The following PCDHGB2 variants were observed in gnomAD, a reference collection of about 807,000 sequenced individuals.
PCDHGB2 encodes protocadherin gamma subfamily B, 2, also known as protocadherin gamma-B2.
In PCDHGB2, 55 loss-of-function variants were observed where a neutral mutation model predicts 59.3. That is an observed-to-expected ratio of 0.93 (90% CI 0.75 to 1.16). PCDHGB2 has a LOEUF of 1.16. Among genes scored for constraint, PCDHGB2 ranks in the 50% most tolerant of loss-of-function variants. The probability of loss-of-function intolerance (pLI) is 0.00; values close to 1 mark genes in which losing one functional copy is unlikely to be tolerated. For synonymous variants in PCDHGB2, 516 were observed against 512.0 expected, an observed-to-expected ratio of 1.01 and a Z score of -0.11; for missense variants, 1,228 against 1,198.5, an observed-to-expected ratio of 1.02 and a Z score of -0.36.
chr5:141,365,873 T>A, intron 1 of PCDHGB2: 4 of 1,614,096 alleles, frequency 2.5e-6, no homozygotes, highest in Non-Finnish European at 3.4e-6. Context: ...CGGTGTCCTG[T>A]ATGCTCTGAG....
intron 1 of PCDHGB2, chr5:141,365,297 G>T (rs538677777): frequency 6.2e-7 from 1 of 1,613,896 alleles, no homozygotes; most frequent in Non-Finnish European, 8.5e-7. Flanking sequence ...GGTAGCTCAG[G>T]ATGGAGGCGC....
chr5:141,361,697 A>T lies in PCDHGB2; in HGVS notation c.1562A>T (p.Asp521Val). The T allele has an allele frequency of 6.2e-7, 1 of 1,613,448 alleles. No individual in the cohort carries two copies. Residue 521 changes from aspartate to valine, a missense_variant, in exon 1 of 4, where the codon GAT (aspartate) becomes GTT (valine). Physicochemically the swap from Asp to Val is radical, Grantham distance 152. Around this residue, in one of 3 missense-constraint regions of PCDHGB2, gnomAD observed 781 missense variants for 721.6 expected, o/e 1.08. Transcript: ENST00000522605. The part of the protein sequence containing the change: ...SGVVFAQRAF[D>V]HEQLRAFELT... The stretch of plus-strand genomic sequence containing the variant: ...GTGGTGTTCGCGCAGCGCGCCTTCG[A>T]TCATGAGCAGCTGCGCGCCTTCGAG...
intron 1 of PCDHGB2, chr5:141,384,644 C>G (rs757384812): frequency 6.2e-7 from 1 of 1,614,234 alleles, no homozygotes; most frequent in Non-Finnish European, 8.5e-7. Flanking sequence ...CCCCGCTCCG[C>G]AGAGCCCGGC....
At chr5:141,392,641 C>CGAA in intron 1 of PCDHGB2, 1 of 655,502 alleles carries the variant, frequency 1.5e-6, no homozygotes, top group Non-Finnish European at 2.5e-6. Flanking sequence ...TCACACCTCA[C>CGAA]GAAGACCCGC....
chr5:141,407,505 T>TTTTTTTTTTTTTTTTTTTTTTTTTTGAG (rs1460306566), intron 1 of PCDHGB2, among the ~76,000 whole-genome samples: 1 of 152,146 alleles, frequency 6.6e-6, no homozygotes, highest in Non-Finnish European at 1.5e-5. Context: ...CTGTTTTTCT[T>TTTTTTTTTTTTTTTTTTTTTTTTTTGAG]AGGCTATGTA....
intron 1 of PCDHGB2, among the ~76,000 whole-genome samples, chr5:141,439,391 G>A (rs880080): frequency 0.036 from 5,494 of 152,210 alleles, 123 homozygotes; most frequent in South Asian, 0.078. Context: ...TCATCACTTC[G>A]ACTTCATGTG....
chr5:141,428,367 G>C, intron 1 of PCDHGB2: 1 of 546,792 alleles, frequency 1.8e-6, no homozygotes, highest in South Asian at 1.9e-5. Context: ...CGGTCGCCTT[G>C]CACCTGCGAT....
rs781550738 is a variant in PCDHGB2 at position 141,487,383 on chromosome 5, C to A, written c.2422-7424C>A. On this transcript the variant is annotated intron_variant, in intron 1 of 3. Transcript: ENST00000522605. This position sits in a 1 kb window ranked among gnomAD's most constrained non-coding sequence, Gnocchi z 5.0. Reference sequence around the variant, plus strand: ...GGCACCTGTGCCTGTCTCACCAGATCTCGAAGGAGGGAGGGGCTTCCCCCT... The same window carrying A: ...GGCACCTGTGCCTGTCTCACCAGATATCGAAGGAGGGAGGGGCTTCCCCCT... The A allele has an allele frequency of 3.7e-6, 6 of 1,614,196 alleles. No individual in the cohort carries two copies. The South Asian group carries it at 6.6e-5, about 18-fold the overall frequency.
intron 1 of PCDHGB2, among the ~76,000 whole-genome samples, chr5:141,459,059 A>G (rs1219921155): frequency 2.6e-5 from 4 of 152,228 alleles, no homozygotes; most frequent in African/African-American, 4.8e-5. Context: ...AGTATAATTT[A>G]TATAACATAA....
intron 1 of PCDHGB2, chr5:141,478,902 GCTGCTGGATAC>G: frequency 1.0e-6 from 1 of 978,788 alleles, no homozygotes. Context: ...TTAGGAATAA[GCTGCTGGATAC>G]CTCTAACCAG....
chr5:141,400,091 C>T, intron 1 of PCDHGB2: 4 of 1,614,072 alleles, frequency 2.5e-6, no homozygotes, highest in South Asian at 1.1e-5. Context: ...GCCACCGCCA[C>T]GCTGCACTTG....
intron 1 of PCDHGB2, among the ~76,000 whole-genome samples, chr5:141,446,182 G>A (rs1411996595): frequency 6.6e-6 from 1 of 152,118 alleles, no homozygotes; most frequent in African/African-American, 2.4e-5. Flanking sequence ...GGGGTGTTTT[G>A]TTTATTATTA....
chr5:141,417,751 C>T, intron 1 of PCDHGB2: 1 of 1,427,514 alleles, frequency 7.0e-7, no homozygotes, highest in Non-Finnish European at 9.2e-7. Flanking sequence ...AGATTGCCAG[C>T]TCCGAGACCC....
chr5:141,397,223 TATG>T lies in PCDHGB2; in HGVS notation c.2421+34669_2421+34671del, dbSNP rs543267212. ...ATGACATAAGAGAAGTATTTTGAGA[TATG>T]AAGAAGAGCAACGTAGTAGGGTATA... is the stretch of plus-strand genomic sequence containing the variant. On this transcript the variant is annotated intron_variant, in intron 1 of 3. Coordinates refer to ENST00000522605, the MANE Select transcript of PCDHGB2 (RefSeq NM_018923.3). Among the ~76,000 whole-genome samples, 432 of 152,304 alleles carry T rather than the reference TATG, an allele frequency of 2.8e-3. 2 individuals carry two copies. Among genetic ancestry groups the T allele is most frequent in the Admixed American group, 9.4e-3 (144 of 15,310 alleles).
rs139832920 is a variant in PCDHGB2, at chr5:141,432,866, G to T, written c.2422-61941G>T. On this transcript the variant is annotated intron_variant, in intron 1 of 3. Coordinates refer to ENST00000522605, the MANE Select transcript of PCDHGB2 (RefSeq NM_018923.3). This position sits in a 1 kb window ranked among gnomAD's most constrained non-coding sequence, Gnocchi z 6.0. ...GGTAGCGGTGGCCGCGGTCTCCTGC[G>T]TCTTCCTGGCCTTCGTCATCTTGCT... The T allele has an allele frequency of 1.9e-6, 3 of 1,614,034 alleles. No individual in the cohort carries two copies. The African/African-American group carries it at 4.0e-5, about 22-fold the overall frequency.
At chr5:141,472,113 A>C (rs1296591849) in intron 1 of PCDHGB2, among the ~76,000 whole-genome samples, 1 of 152,260 alleles carries the variant, frequency 6.6e-6, no homozygotes, top group Non-Finnish European at 1.5e-5. Context: ...ATACATAAAG[A>C]AAATAAAAGA....
chr5:141,481,856 G>A (rs1402368786), intron 1 of PCDHGB2, among the ~76,000 whole-genome samples: 1 of 149,156 alleles, frequency 6.7e-6, no homozygotes, highest in Admixed American at 6.8e-5. Flanking sequence ...GGAGGTTGCA[G>A]TGAGCCGAGA....
intron 1 of PCDHGB2, among the ~76,000 whole-genome samples, chr5:141,453,974 T>C (rs1386640440): frequency 6.6e-6 from 1 of 152,242 alleles, no homozygotes; most frequent in Non-Finnish European, 1.5e-5. Flanking sequence ...CATGTAGTTG[T>C]GTTGCCTTCC....
chr5:141,372,992 T>C (rs1414132477), intron 1 of PCDHGB2, among the ~76,000 whole-genome samples: 1 of 152,240 alleles, frequency 6.6e-6, no homozygotes, highest in Non-Finnish European at 1.5e-5. Flanking sequence ...GTTGCAGTTG[T>C]TCTTTCATAG....
Sources: gnomAD v4.1 joint callset for allele counts (sites outside exome capture counted in the v4.1 genomes callset) on GRCh38, gnomAD v4.1.1 for gene constraint, gnomAD v4.1.1 regional missense constraint, Gnocchi (gnomAD v3.1) non-coding constraint, MANE v1.5 for transcripts, NCBI Gene and HGNC (gene_info 2026-07-23, HGNC 2026-07-21) for gene names.